The following PLXDC2 variants were observed in gnomAD, a reference collection of about 807,000 sequenced individuals.
PLXDC2 encodes the protein plexin domain-containing protein 2.
PLXDC2 carries 40 observed loss-of-function variants against 68.9 expected under a neutral mutation model. The observed-to-expected ratio is 0.58, with a 90% confidence interval of 0.45 to 0.76. PLXDC2 has a LOEUF of 0.76. PLXDC2 is among the 30% of genes least tolerant of loss of function. PLXDC2 has a pLI of 0.00. For missense variants in PLXDC2, 644 were observed against 661.9 expected, an observed-to-expected ratio of 0.97 and a Z score of 0.30; for synonymous variants, 243 against 234.2, an observed-to-expected ratio of 1.04 and a Z score of -0.34.
At chr10:20,035,707 TA>T (rs1835566185) in intron 2 of PLXDC2, among the ~76,000 whole-genome samples, 1 of 151,746 alleles carries the variant, frequency 6.6e-6, no homozygotes, top group South Asian at 2.1e-4. Flanking sequence ...AATAAATAAA[TA>T]AAAAATTTTA....
intron 1 of PLXDC2, among the ~76,000 whole-genome samples, chr10:19,917,799 A>G (rs1443293330): frequency 1.3e-5 from 2 of 152,206 alleles, no homozygotes; most frequent in Non-Finnish European, 2.9e-5. Context: ...AAAATAAATT[A>G]AATGCCTATA....
chr10:19,830,738 A>G (rs1252233068), intron 1 of PLXDC2, among the ~76,000 whole-genome samples: 1 of 125,614 alleles, frequency 8.0e-6, no homozygotes, highest in Non-Finnish European at 1.7e-5. Context: ...GGAAAAGAGA[A>G]GGTTTTTTTT....
At chr10:20,048,222 C>T (rs1292000824) in intron 3 of PLXDC2, among the ~76,000 whole-genome samples, 25 of 152,002 alleles carry the variant, frequency 1.6e-4, no homozygotes, top group Admixed American at 1.6e-3. Context: ...GTAGATGTTC[C>T]TGTTATCAGG....
At chr10:20,141,278 A>G (rs748789878) in intron 4 of PLXDC2, among the ~76,000 whole-genome samples, 1 of 151,970 alleles carries the variant, frequency 6.6e-6, no homozygotes, top group African/African-American at 2.4e-5. Flanking sequence ...GAAAGTACAT[A>G]TATCTTATTT....
intron 1 of PLXDC2, among the ~76,000 whole-genome samples, chr10:19,885,529 T>C (rs1408689758): frequency 6.6e-6 from 1 of 152,154 alleles, no homozygotes; most frequent in Admixed American, 6.6e-5. Context: ...TTGATTTTTG[T>C]GTAAGGTGTA....
chr10:19,859,921 G>A (rs1267200630), intron 1 of PLXDC2, among the ~76,000 whole-genome samples: 4 of 152,054 alleles, frequency 2.6e-5, no homozygotes, highest in Non-Finnish European at 4.4e-5. Flanking sequence ...TAGTGGAAAC[G>A]AGGTTTCACC....
At chr10:20,240,954 AT>A (rs1835508145) in intron 12 of PLXDC2, among the ~76,000 whole-genome samples, 1 of 152,180 alleles carries the variant, frequency 6.6e-6, no homozygotes, top group Non-Finnish European at 1.5e-5. Context: ...ATCTCTAAAT[AT>A]TTATTTTGTC....
At chr10:20,173,230 A>G (rs1386785599) in intron 7 of PLXDC2, among the ~76,000 whole-genome samples, 17 of 152,222 alleles carry the variant, frequency 1.1e-4, no homozygotes, top group Non-Finnish European at 7.3e-5. Flanking sequence ...AGATACAACC[A>G]TATGGAGCCA....
chr10:20,078,628 T>C (rs1463253548), intron 4 of PLXDC2, among the ~76,000 whole-genome samples: 1 of 152,186 alleles, frequency 6.6e-6, no homozygotes, highest in East Asian at 1.9e-4. Context: ...CTAATACTGA[T>C]TGCTTTGAAA....
At chr10:19,955,914 A>G (rs1834062194) in intron 1 of PLXDC2, among the ~76,000 whole-genome samples, 1 of 152,086 alleles carries the variant, frequency 6.6e-6, no homozygotes, top group Admixed American at 6.5e-5. Flanking sequence ...CCCCATCTCT[A>G]CAAAAAATAC....
chr10:20,130,274 A>G (rs950189378), intron 4 of PLXDC2, among the ~76,000 whole-genome samples: 1 of 152,020 alleles, frequency 6.6e-6, no homozygotes, highest in Non-Finnish European at 1.5e-5. Context: ...GTGCTATTGT[A>G]TGTGAGAGTG....
chr10:20,221,518 C>T (rs1835212114), intron 12 of PLXDC2, among the ~76,000 whole-genome samples: 1 of 152,180 alleles, frequency 6.6e-6, no homozygotes, highest in African/African-American at 2.4e-5. Context: ...CATTCAAGTG[C>T]AGTTAGAACA....
Position 20,287,868 on chromosome 10 carries a change from G to A in PLXDC2, c.*8049G>A, listed in dbSNP as rs1475505242. ...AGAGTCTTTTTTATATGCCAGCTGG[G>A]ATCATGGGAACTTCGAATGCCAGGA... On this transcript the variant is annotated 3_prime_UTR_variant, in exon 14 of 14. Transcript: ENST00000377252. 2.0e-5 allele frequency: 3 copies of A among 151,374 alleles called. No homozygotes were observed. The highest frequency in any genetic ancestry group is 4.4e-5 in the Non-Finnish European group (3 of 67,980). 9.4% of individuals were successfully genotyped at this position (151,374 alleles called of 1,614,324 possible).
intron 1 of PLXDC2, among the ~76,000 whole-genome samples, chr10:19,916,790 C>G (rs1457542838): frequency 6.6e-6 from 1 of 152,116 alleles, no homozygotes; most frequent in African/African-American, 2.4e-5. Context: ...TGCTTGAAAA[C>G]TGGAGTAATC....
chr10:20,010,009 A>T (rs1488549143), intron 2 of PLXDC2, among the ~76,000 whole-genome samples: 3 of 152,086 alleles, frequency 2.0e-5, no homozygotes, highest in African/African-American at 7.2e-5. Context: ...GCTGTGGATG[A>T]GCATATGAAT....
intron 12 of PLXDC2, among the ~76,000 whole-genome samples, chr10:20,236,498 G>A (rs374229622): frequency 2.0e-5 from 3 of 152,044 alleles, no homozygotes; most frequent in East Asian, 3.9e-4. Context: ...AGGGAAAAAT[G>A]ATAACTTGAT....
At chr10:20,041,002 G>C (rs1185443283) in intron 2 of PLXDC2, among the ~76,000 whole-genome samples, 1 of 152,260 alleles carries the variant, frequency 6.6e-6, no homozygotes, top group South Asian at 2.1e-4. Context: ...GATAGTAATA[G>C]CATTCTGATT....
At chr10:19,950,283 G>C (rs1022032993) in intron 1 of PLXDC2, among the ~76,000 whole-genome samples, 2 of 152,064 alleles carry the variant, frequency 1.3e-5, no homozygotes, top group Non-Finnish European at 2.9e-5. Context: ...CTACCAAAAG[G>C]TTCCAGAACT....
At chr10:20,096,490 A>G (rs118070128) in intron 4 of PLXDC2, among the ~76,000 whole-genome samples, 4,258 of 152,162 alleles carry the variant, frequency 0.028, 77 homozygotes, top group South Asian at 0.066. Context: ...AATTATGAGT[A>G]TTTAAACAGC....
Sources: allele counts gnomAD v4.1 joint callset (sites outside exome capture counted in the v4.1 genomes callset), GRCh38; gene constraint gnomAD v4.1.1; transcripts MANE v1.5; gene names NCBI Gene and HGNC (gene_info 2026-07-23, HGNC 2026-07-21).